Variants in LRIT3 observed in about 807,000 individuals in gnomAD.
LRIT3 encodes the protein leucine-rich repeat, immunoglobulin-like domain and transmembrane domain-containing protein 3.
In LRIT3, 14 loss-of-function variants were observed where a neutral mutation model predicts 22.6. The ratio of observed to expected loss-of-function variants is 0.62; its 90% CI spans 0.41 to 0.97. LRIT3 has a LOEUF of 0.97. LRIT3 is among the 50% of genes least tolerant of loss of function. LRIT3 has a pLI of 0.00. For missense variants in LRIT3, 783 were observed against 803.0 expected (o/e 0.98, Z 0.30); for synonymous variants, 306 against 304.5 (o/e 1.01, Z -0.05).
chr4:109,867,930 G>A lies in LRIT3; in HGVS notation c.879G>A (p.Ser293=), dbSNP rs769259518. The change falls in exon 3 of 4, where the codon TCG becomes TCA. Residue 293 remains serine, a synonymous_variant. Transcript: ENST00000594814. ...PQITWTRSDS[S]PVNYTVIQES... is the part of the protein sequence containing the mutation. ...TCACATGGACCAGATCTGACAGCTC[G>A]CCAGTTAATTATACAGGTATTTTCT... 25 of 1,609,956 alleles carry A rather than the reference G, an allele frequency of 1.6e-5. No individual in the cohort carries two copies. The highest frequency in any genetic ancestry group is 4.5e-5 in the East Asian group (2 of 44,788).
chr4:109,861,020 T>C (rs1734530876), intron 2 of LRIT3, among the ~76,000 whole-genome samples: 1 of 152,250 alleles, frequency 6.6e-6, no homozygotes. Context: ...TTGTGGCACA[T>C]GTTTTCATTT....
intron 2 of LRIT3, among the ~76,000 whole-genome samples, chr4:109,859,009 T>C (rs1734471956): frequency 6.6e-6 from 1 of 152,160 alleles, no homozygotes; most frequent in South Asian, 2.1e-4. Context: ...CAGATGAAAT[T>C]GGAAAAGGTG....
rs1579384213 is a variant in LRIT3, at chr4:109,870,916, A to G, written c.*127A>G. 3.1e-6 allele frequency: 3 copies of G among 957,036 alleles called. No homozygotes were observed. The East Asian group carries it at 8.1e-5, about 26-fold the overall frequency. The allele number at this position is 957,036 out of a possible 1,614,324, so 59.3% of individuals were successfully genotyped here. On this transcript the variant is annotated 3_prime_UTR_variant, in exon 4 of 4. Transcript: ENST00000594814. ...GAAAATCACAAATGGAATGCTTTTAAGTATGTTTAAAAAATACCATGAGAC... is the reference window on the plus strand; with the variant it reads ...GAAAATCACAAATGGAATGCTTTTAGGTATGTTTAAAAAATACCATGAGAC...
intron 2 of LRIT3, among the ~76,000 whole-genome samples, chr4:109,860,956 G>A (rs990003898): frequency 1.3e-5 from 2 of 152,204 alleles, no homozygotes; most frequent in South Asian, 2.1e-4. Flanking sequence ...TGGGTGTTTC[G>A]AGTTTGGGGC....
At chr4:109,865,521 A>G (rs1579380168) in intron 2 of LRIT3, among the ~76,000 whole-genome samples, 2 of 152,308 alleles carry the variant, frequency 1.3e-5, no homozygotes, top group Non-Finnish European at 2.9e-5. Context: ...AGACATACAG[A>G]TTGTATTACA....
intron 3 of LRIT3, 94 bp downstream of exon 3, chr4:109,868,040 C>G: frequency 7.9e-7 from 1 of 1,270,914 alleles, no homozygotes; most frequent in Non-Finnish European, 1.1e-6. Flanking sequence ...CTAGTTAACA[C>G]TAATAAAATA....
intron 2 of LRIT3, among the ~76,000 whole-genome samples, chr4:109,858,414 T>A (rs1368743251): frequency 6.6e-6 from 1 of 152,154 alleles, no homozygotes; most frequent in East Asian, 1.9e-4. Context: ...AGTTGTTTCC[T>A]GCTGTGGCAT....
At chr4:109,855,658 C>T (rs1039288355) in intron 2 of LRIT3, among the ~76,000 whole-genome samples, 5 of 152,148 alleles carry the variant, frequency 3.3e-5, no homozygotes, top group Non-Finnish European at 5.9e-5. Context: ...ATCTTTCCTG[C>T]TTTCTCTTGT....
At chr4:109,852,316 A>G (rs1188441537) in intron 2 of LRIT3, among the ~76,000 whole-genome samples, 1 of 152,246 alleles carries the variant, frequency 6.6e-6, no homozygotes, top group Non-Finnish European at 1.5e-5. Flanking sequence ...GCATTGCTCC[A>G]TACTCTGGTA....
In LRIT3 at chr4:109,870,078, G is replaced by C; in HGVS notation, c.1329G>C (p.Gln443His). ...STTMANKRSFQLHQGGKRNLK... is the reference protein window; with the variant it reads ...STTMANKRSFHLHQGGKRNLK... ...CCATGGCCAACAAGCGATCATTCCA[G>C]CTCCACCAAGGTGGGAAAAGAAATT... is the stretch of plus-strand genomic sequence containing the variant. The change falls in exon 4 of 4, where the codon CAG becomes CAC. Residue 443 changes from glutamine to histidine, a missense_variant. Gln to His is a conservative substitution (Grantham distance 24, BLOSUM62 0). Coordinates refer to ENST00000594814, the MANE Select transcript of LRIT3 (RefSeq NM_198506.5). 1 of 1,614,130 alleles carries C rather than the reference G, an allele frequency of 6.2e-7. No homozygotes were observed. Among genetic ancestry groups the C allele is most frequent in the Non-Finnish European group, 8.5e-7 (1 of 1,180,030 alleles).
intron 1 of LRIT3, among the ~76,000 whole-genome samples, chr4:109,850,427 C>CTT (rs1422610158): frequency 1.3e-4 from 9 of 70,640 alleles, no homozygotes; most frequent in Admixed American, 7.1e-4. Context: ...TCCTTCCTTT[C>CTT]TTTCTTTCTT....
chr4:109,871,159 T>G lies in LRIT3; in HGVS notation c.*370T>G, dbSNP rs983901173. On this transcript the variant is annotated 3_prime_UTR_variant, in exon 4 of 4. Transcript: ENST00000594814. ...AAACATTAGCAAAACCAGCTAAGCC[T>G]TGATGTTTATTCATGTTCGAAGTGC... 1.2e-5 allele frequency: 2 copies of G among 164,300 alleles called. No homozygotes were observed. Among genetic ancestry groups the G allele is most frequent in the Admixed American group, 6.2e-5 (1 of 16,224 alleles). The allele number at this position is 164,300 out of a possible 1,614,324, so 10.2% of individuals were successfully genotyped here.
rs936002941 is a variant in LRIT3 at position 109,851,390 on chromosome 4, C to T, written c.117-114C>T. 9 of 1,384,300 alleles carry T rather than the reference C, an allele frequency of 6.5e-6. No individual in the cohort carries two copies. In the Admixed American group the frequency reaches 1.1e-4, roughly 17 times the overall value. 85.8% of individuals were successfully genotyped at this position (1,384,300 alleles called of 1,614,324 possible). On this transcript the variant is annotated intron_variant, in intron 1 of 3. Coordinates refer to ENST00000594814, the MANE Select transcript of LRIT3 (RefSeq NM_198506.5). ...TCGGCCTCCCAAAGTGCTGGGATTA[C>T]AGGCGTGAGCCACTGCCCAGCTGAA...
At position 109,869,986 on chromosome 4, in the gene LRIT3, T is replaced by A. The variant is rs1271056495; in HGVS notation, c.1237T>A (p.Ser413Thr). The A allele has an allele frequency of 6.8e-6, 11 of 1,614,144 alleles. No homozygotes were observed. Among genetic ancestry groups the A allele is most frequent in the Middle Eastern group, 3.3e-4 (2 of 6,062 alleles). Reference protein sequence around the residue: ...SPPSTASFSLSPFSSSTVSST... With the variant: ...SPPSTASFSLTPFSSSTVSST... ...TCCCTCTACTGCTTCCTTCTCTTTATCTCCTTTCTCCTCCTCCACTGTTTC... is the reference window on the plus strand; with the variant it reads ...TCCCTCTACTGCTTCCTTCTCTTTAACTCCTTTCTCCTCCTCCACTGTTTC... Residue 413 changes from serine to threonine, a missense_variant, in exon 4 of 4, where the codon TCT becomes ACT. By Grantham distance (58) the Ser-to-Thr change is moderately conservative. This residue lies in a region of LRIT3 where 756 missense variants were observed against 753.8 expected (regional missense o/e 1.00). Coordinates refer to ENST00000594814, the MANE Select transcript of LRIT3 (RefSeq NM_198506.5).
Position 109,869,635 on chromosome 4 carries a change from T to C in LRIT3, c.896-10T>C, listed in dbSNP as rs878896031. 5 of 1,529,846 alleles carry C rather than the reference T, an allele frequency of 3.3e-6. No homozygotes were observed. In the South Asian group the frequency reaches 5.3e-5, roughly 16 times the overall value. The allele number at this position is 1,529,846 out of a possible 1,614,324, so 94.8% of individuals were successfully genotyped here. A position where few individuals can be genotyped will look rare whatever the true frequency, so the allele number is the denominator to read the frequency against. Reference sequence around the variant, plus strand: ...TGTTCCTCACAGACTATACATTTGTTTTCTTCCAGTAATACAAGAATCTCC... The same window carrying C: ...TGTTCCTCACAGACTATACATTTGTCTTCTTCCAGTAATACAAGAATCTCC... On this transcript the variant is annotated splice_polypyrimidine_tract_variant and intron_variant, in intron 3 of 3. Coordinates refer to ENST00000594814, the MANE Select transcript of LRIT3 (RefSeq NM_198506.5).
rs908587711 is a variant in LRIT3, at chr4:109,851,646, T to C, written c.259T>C (p.Trp87Arg). 22 of 1,551,620 alleles carry C rather than the reference T, an allele frequency of 1.4e-5. No individual in the cohort carries two copies. The highest frequency in any genetic ancestry group is 1.9e-5 in the Non-Finnish European group (22 of 1,147,006). Residue 87 changes from tryptophan (W) to arginine (R), a missense_variant, in exon 2 of 4, where the codon TGG becomes CGG. This residue lies in a region of LRIT3 where 756 missense variants were observed against 753.8 expected (regional missense o/e 1.00). Coordinates refer to ENST00000594814, the MANE Select transcript of LRIT3 (RefSeq NM_198506.5). ...TTACCTGGTGGAGCTCCAGTATCTCTGGGTGACTTACAATTCCGTGGCCAG... is the reference window on the plus strand; with the variant it reads ...TTACCTGGTGGAGCTCCAGTATCTCCGGGTGACTTACAATTCCGTGGCCAG... ...FYYLVELQYL[W>R]VTYNSVASID...
intron 2 of LRIT3, among the ~76,000 whole-genome samples, chr4:109,866,252 G>A (rs1734677610): frequency 1.3e-5 from 2 of 152,060 alleles, no homozygotes; most frequent in Admixed American, 6.6e-5. Flanking sequence ...CACTCCATTA[G>A]TAAAAAGCTA....
chr4:109,872,016 C>G lies in LRIT3; in HGVS notation c.*1227C>G, dbSNP rs990631960. The G allele has an allele frequency of 1.3e-5, 2 of 152,182 alleles. No individual in the cohort carries two copies. The highest frequency in any genetic ancestry group is 2.9e-5 in the Non-Finnish European group (2 of 68,044). 9.4% of individuals were successfully genotyped at this position (152,182 alleles called of 1,614,324 possible). Reference sequence around the variant, plus strand: ...GTCACTTAGCAGGATGCAACCTGGCCTAGGGATTTCCAGAAGACAAGGCCA... The same window carrying G: ...GTCACTTAGCAGGATGCAACCTGGCGTAGGGATTTCCAGAAGACAAGGCCA... On this transcript the variant is annotated 3_prime_UTR_variant, in exon 4 of 4. Transcript: ENST00000594814.
chr4:109,870,941 C>T lies in LRIT3; in HGVS notation c.*152C>T. The T allele has an allele frequency of 2.9e-6, 2 of 689,356 alleles. No individual in the cohort carries two copies. Among genetic ancestry groups the T allele is most frequent in the Non-Finnish European group, 4.3e-6 (2 of 461,324 alleles). 42.7% of individuals were successfully genotyped at this position (689,356 alleles called of 1,614,324 possible). Reference sequence around the variant, plus strand: ...AGTATGTTTAAAAAATACCATGAGACCTCTGAACTGAAAAGACAAATAATG... The same window carrying T: ...AGTATGTTTAAAAAATACCATGAGATCTCTGAACTGAAAAGACAAATAATG... On this transcript the variant is annotated 3_prime_UTR_variant, in exon 4 of 4. Transcript: ENST00000594814.
Sources: allele counts gnomAD v4.1 joint callset (sites outside exome capture counted in the v4.1 genomes callset), GRCh38; gene constraint gnomAD v4.1.1; regional missense constraint gnomAD v4.1.1; transcripts MANE v1.5; gene names NCBI Gene and HGNC (gene_info 2026-07-23, HGNC 2026-07-21).